ARHGAP15: variants seen among roughly 807,000 people sequenced by gnomAD.
ARHGAP15 encodes rho GTPase-activating protein 15.
Under a neutral mutation model 63.7 loss-of-function variants are expected in ARHGAP15, and 51 were observed. The ratio of observed to expected loss-of-function variants is 0.80; its 90% CI spans 0.64 to 1.01. The LOEUF (loss-of-function observed/expected upper bound fraction) is 1.01. Ranked by LOEUF, ARHGAP15 falls within the 50% of genes least tolerant of loss-of-function variation. The pLI, the probability that ARHGAP15 is intolerant of heterozygous loss-of-function variation, is 0.00. For synonymous variants in ARHGAP15, 191 were observed against 193.8 expected, an observed-to-expected ratio of 0.99 and a Z score of 0.12; for missense variants, 560 against 564.6, an observed-to-expected ratio of 0.99 and a Z score of 0.08.
Position 143,463,212 on chromosome 2 carries a change from T to G in ARHGAP15, c.704-24161T>G, listed in dbSNP as rs1414271153. Among the ~76,000 whole-genome samples, 3 of 151,810 alleles carry G rather than the reference T, an allele frequency of 2.0e-5. No individual in the cohort carries two copies. In the East Asian group the frequency reaches 5.8e-4, roughly 29 times the overall value. On this transcript the variant is annotated intron_variant, in intron 8 of 13. Coordinates refer to ENST00000295095, the MANE Select transcript of ARHGAP15 (RefSeq NM_018460.4). The stretch of plus-strand genomic sequence containing the variant: ...AAACTCTGATAAGCCCACTCCTAGG[T>G]AGCTCACCTGGCCTAGTCTGATATA...
intron 2 of ARHGAP15, among the ~76,000 whole-genome samples, chr2:143,200,883 A>G (rs1356904704): frequency 6.6e-6 from 1 of 152,102 alleles, no homozygotes; most frequent in African/African-American, 2.4e-5. Flanking sequence ...TCATCAACAA[A>G]AAAAAATTTC....
At chr2:143,332,542 G>T (rs1281783704) in intron 6 of ARHGAP15, among the ~76,000 whole-genome samples, 1 of 152,114 alleles carries the variant, frequency 6.6e-6, no homozygotes, top group East Asian at 1.9e-4. Flanking sequence ...CCTAAATTAT[G>T]AAAGCTTCCC....
chr2:143,300,194 G>GT (rs1558875794), intron 6 of ARHGAP15, among the ~76,000 whole-genome samples: 1 of 152,004 alleles, frequency 6.6e-6, no homozygotes, highest in African/African-American at 2.4e-5. Flanking sequence ...AGGTCTGTTG[G>GT]TACCAGTGTG....
intron 6 of ARHGAP15, among the ~76,000 whole-genome samples, chr2:143,310,924 T>TA (rs1208337510): frequency 2.6e-5 from 4 of 152,052 alleles, no homozygotes; most frequent in African/African-American, 9.7e-5. Flanking sequence ...ACTTCTTAAA[T>TA]ATGATGATAG....
intron 12 of ARHGAP15, among the ~76,000 whole-genome samples, chr2:143,688,802 G>A (rs1683463908): frequency 1.3e-5 from 2 of 152,166 alleles, no homozygotes; most frequent in South Asian, 4.1e-4. Context: ...GATTTAGTGA[G>A]AAAAGTGTTA....
intron 6 of ARHGAP15, among the ~76,000 whole-genome samples, chr2:143,373,604 T>A (rs1574351394): frequency 8.4e-6 from 1 of 119,324 alleles, no homozygotes; most frequent in Non-Finnish European, 1.6e-5. Context: ...CACTCCAGCC[T>A]GGGTGAGAGA....
rs183985834 is a variant in ARHGAP15, at chr2:143,567,166, C to G, written c.1003+10681C>G. On this transcript the variant is annotated intron_variant, in intron 11 of 13. Transcript: ENST00000295095. ...CTGGCATTACAGGGGTGAGCCACAGCGTGCTTCTTTATCTATCACCTCAGT... is the reference window on the plus strand; with the variant it reads ...CTGGCATTACAGGGGTGAGCCACAGGGTGCTTCTTTATCTATCACCTCAGT... Among the ~76,000 whole-genome samples, 129 of 152,268 alleles carry G rather than the reference C, an allele frequency of 8.5e-4. 1 individual carries two copies. In the South Asian group the frequency reaches 8.9e-3, roughly 11 times the overall value.
At chr2:143,697,579 T>G (rs1355674467) in intron 12 of ARHGAP15, among the ~76,000 whole-genome samples, 1 of 152,196 alleles carries the variant, frequency 6.6e-6, no homozygotes, top group Non-Finnish European at 1.5e-5. Flanking sequence ...GATATACCGA[T>G]TTTCTTATTT....
chr2:143,276,587 CCTTCT>C (rs2105068221), intron 6 of ARHGAP15, among the ~76,000 whole-genome samples: 1 of 152,136 alleles, frequency 6.6e-6, no homozygotes, highest in African/African-American at 2.4e-5. Context: ...CCTACATATT[CCTTCT>C]CTCATTACAT....
chr2:143,307,153 T>G lies in ARHGAP15; in HGVS notation c.474+56553T>G, dbSNP rs75785669. Among the ~76,000 whole-genome samples the G allele has an allele frequency of 3.7e-3, 561 of 152,238 alleles. 5 individuals are homozygous for G. The highest frequency in any genetic ancestry group is 0.012 in the African/African-American group (516 of 41,568). The stretch of plus-strand genomic sequence containing the variant: ...TATTGCTTCTATTTTGAGCCCTTTT[T>G]CTGGGGAAGGGCTTGATCATCTTTT... On this transcript the variant is annotated intron_variant, in intron 6 of 13. Transcript: ENST00000295095.
At chr2:143,402,184 GT>G (rs1159238532) in intron 6 of ARHGAP15, among the ~76,000 whole-genome samples, 1 of 151,614 alleles carries the variant, frequency 6.6e-6, no homozygotes, top group Non-Finnish European at 1.5e-5. Flanking sequence ...ACACCTCAGT[GT>G]TTTTTTAATC....
At chr2:143,416,130 TAATTA>T (rs1688666331) in intron 6 of ARHGAP15, among the ~76,000 whole-genome samples, 4 of 137,346 alleles carry the variant, frequency 2.9e-5, no homozygotes, top group African/African-American at 7.8e-5. Flanking sequence ...ATGGAAATAA[TAATTA>T]AAAAAAAAAA....
At chr2:143,200,777 A>T (rs1692081172) in intron 2 of ARHGAP15, among the ~76,000 whole-genome samples, 3 of 152,142 alleles carry the variant, frequency 2.0e-5, no homozygotes, top group Non-Finnish European at 4.4e-5. Context: ...AAAAGTACAT[A>T]AGAAAGTGTG....
chr2:143,437,284 C>T (rs1413328080), intron 8 of ARHGAP15: 1 of 404,432 alleles, frequency 2.5e-6, no homozygotes, highest in African/African-American at 2.1e-5. Flanking sequence ...CAGCAAACCT[C>T]TGAATCTCTG....
At chr2:143,142,463 T>C (rs1440297225) in intron 1 of ARHGAP15, among the ~76,000 whole-genome samples, 1 of 152,122 alleles carries the variant, frequency 6.6e-6, no homozygotes, top group African/African-American at 2.4e-5. Flanking sequence ...GAACAAACTT[T>C]CTTCTGCTGC....
At chr2:143,138,063 A>G (rs1689215986) in intron 1 of ARHGAP15, among the ~76,000 whole-genome samples, 1 of 152,158 alleles carries the variant, frequency 6.6e-6, no homozygotes, top group Admixed American at 6.5e-5. Flanking sequence ...CCAAAACTAG[A>G]CAATATTAAC....
intron 8 of ARHGAP15, among the ~76,000 whole-genome samples, chr2:143,445,153 A>ATTTTCTTTTTTTTT (rs1690073279): frequency 1.3e-5 from 1 of 74,426 alleles, no homozygotes; most frequent in African/African-American, 5.4e-5. Context: ...AAGAACAATT[A>ATTTTCTTTTTTTTT]TTTTTTTTTT....
At chr2:143,267,067 A>C (rs1390060147) in intron 6 of ARHGAP15, among the ~76,000 whole-genome samples, 1 of 152,174 alleles carries the variant, frequency 6.6e-6, no homozygotes, top group African/African-American at 2.4e-5. Context: ...CATGGGACTA[A>C]GGAAGTCACA....
intron 11 of ARHGAP15, among the ~76,000 whole-genome samples, chr2:143,618,784 A>G (rs1559083910): frequency 6.6e-6 from 1 of 152,068 alleles, no homozygotes; most frequent in Non-Finnish European, 1.5e-5. Context: ...GGTTATATAT[A>G]CCAATACCTA....
Sources: allele counts gnomAD v4.1 joint callset (sites outside exome capture counted in the v4.1 genomes callset), GRCh38; gene constraint gnomAD v4.1.1; transcripts MANE v1.5; gene names NCBI Gene and HGNC (gene_info 2026-07-23, HGNC 2026-07-21).